SLC12A7: variants seen among roughly 807,000 people sequenced by gnomAD.
SLC12A7 encodes the protein K-Cl cotransporter 4.
A neutral mutation model predicts 120.6 loss-of-function variants in SLC12A7; 100 were observed. The observed-to-expected ratio is 0.83, with a 90% CI of 0.71 to 0.98. The LOEUF is 0.98. Ranked by LOEUF, SLC12A7 falls within the 50% of genes least tolerant of loss-of-function variation. SLC12A7 has a pLI of 0.00. For synonymous variants in SLC12A7, 760 were observed against 678.0 expected (o/e 1.12, Z -1.88); for missense variants, 1,373 against 1,548.1 (o/e 0.89, Z 1.90).
chr5:1,078,833 T>TG (rs1738666623), intron 10 of SLC12A7, 75 bp from the exon 11 acceptor site: 2 of 24,110 alleles, frequency 8.3e-5, no homozygotes, highest in Non-Finnish European at 1.4e-4. Context: ...TGGGGTGGGG[T>TG]GGGGTGGGTG....
At chr5:1,067,324 C>T (rs765757228) in intron 17 of SLC12A7, among the ~76,000 whole-genome samples, 8 of 152,224 alleles carry the variant, frequency 5.3e-5, no homozygotes, top group East Asian at 3.8e-4. Context: ...GCGGACGCTG[C>T]GGGGTGGACA....
At chr5:1,138,112 G>A in the SLC12A7 span, among the ~76,000 whole-genome samples, 1 of 152,200 alleles carries the variant, frequency 6.6e-6, no homozygotes, top group Non-Finnish European at 1.5e-5. Flanking sequence ...TGAAGTCCCA[G>A]ATCTTTGCAG....
chr5:1,109,645 G>A (rs1273286253), intron 1 of SLC12A7, among the ~76,000 whole-genome samples: 2 of 151,200 alleles, frequency 1.3e-5, no homozygotes, highest in African/African-American at 4.9e-5. Flanking sequence ...CAGGCAGCCC[G>A]GGCAGCAGCA....
chr5:1,103,610 C>T (rs908550943), intron 1 of SLC12A7, among the ~76,000 whole-genome samples: 2 of 152,224 alleles, frequency 1.3e-5, no homozygotes, highest in African/African-American at 4.8e-5. Context: ...CATGTGCATA[C>T]CCATACCCGC....
the SLC12A7 span, among the ~76,000 whole-genome samples, chr5:1,124,099 C>G: frequency 6.6e-6 from 1 of 152,172 alleles, no homozygotes; most frequent in Non-Finnish European, 1.5e-5. Context: ...AGGACAGCAA[C>G]CTCCATGGAC....
At chr5:1,112,871 TC>T (rs70957329), upstream of SLC12A7, among the ~76,000 whole-genome samples, 65,686 of 112,022 alleles carry the variant, frequency 0.59, 19,900 homozygotes, top group Non-Finnish European at 0.7. Context: ...GTAGAGGGAG[TC>T]CCCCCCCCCA....
chr5:1,077,699 A>AG, intron 12 of SLC12A7, 134 bp downstream of exon 12: 1 of 919,218 alleles, frequency 1.1e-6, no homozygotes. Context: ...TGCAGTGGCC[A>AG]GGGGCAGAAT....
intron 1 of SLC12A7, among the ~76,000 whole-genome samples, chr5:1,098,615 T>A (rs368086891): frequency 8.0e-4 from 5 of 6,262 alleles, no homozygotes; most frequent in African/African-American, 2.2e-3. Context: ...AACCCTCTGC[T>A]CACCCAGCCC....
chr5:1,051,053 A>C lies in SLC12A7; in HGVS notation c.*1307T>G, dbSNP rs1734981107. The C allele has an allele frequency of 5.0e-6, 2 of 397,880 alleles. No homozygotes were observed. The highest frequency in any genetic ancestry group is 7.1e-5 in the East Asian group (2 of 28,078). The allele number at this position is 397,880 out of a possible 1,614,324, so 24.6% of individuals were successfully genotyped here. ...CGTAACTCCCTGGGGTGTTTAAATAAATAAATATGCCACATAGAAAGGGAG... is the reference window on the plus strand; with the variant it reads ...CGTAACTCCCTGGGGTGTTTAAATACATAAATATGCCACATAGAAAGGGAG... On this transcript the variant is annotated 3_prime_UTR_variant, in exon 24 of 24. Coordinates refer to ENST00000264930, the MANE Select transcript of SLC12A7 (RefSeq NM_006598.3).
chr5:1,079,789 T>A (rs111585849), intron 9 of SLC12A7, among the ~76,000 whole-genome samples: 1,712 of 151,378 alleles, frequency 0.011, 37 homozygotes, highest in African/African-American at 0.039. Flanking sequence ...CTGGAGCCTG[T>A]GTTAATCCCA....
intron 22 of SLC12A7, among the ~76,000 whole-genome samples, chr5:1,054,590 C>T (rs1735410099): frequency 6.6e-6 from 1 of 152,232 alleles, no homozygotes; most frequent in Admixed American, 6.5e-5. Flanking sequence ...GGTCTCAGGC[C>T]AGCTGCAGCC....
the SLC12A7 span, among the ~76,000 whole-genome samples, chr5:1,129,701 G>A: frequency 5.3e-5 from 8 of 151,948 alleles, no homozygotes; most frequent in East Asian, 1.6e-3. Flanking sequence ...ACTGTTTCAC[G>A]GAAAAAGTCA....
At chr5:1,145,021 G>A in the SLC12A7 span, among the ~76,000 whole-genome samples, 1 of 152,276 alleles carries the variant, frequency 6.6e-6, no homozygotes, top group African/African-American at 2.4e-5. This position sits in a 1 kb window ranked among gnomAD's most constrained non-coding sequence, Gnocchi z 4.4. Context: ...ACCGGGCCGG[G>A]GCTGGGGAAG....
chr5:1,068,652 G>A (rs1213796877), intron 17 of SLC12A7, among the ~76,000 whole-genome samples: 1 of 152,234 alleles, frequency 6.6e-6, no homozygotes. Context: ...AGCGGGGGCA[G>A]GGTGCGCTCG....
Position 1,081,669 on chromosome 5 carries a change from T to C in SLC12A7, c.1205A>G (p.Glu402Gly). ...KKGVPSVPVA[E>G]ESRASALPYV... Reference sequence around the variant, plus strand: ...GGGCAGTGCGCTGGCACGGCTCTCCTCTGCCACGGGCACCGAGGGCACACC... The same window carrying C: ...GGGCAGTGCGCTGGCACGGCTCTCCCCTGCCACGGGCACCGAGGGCACACC... The change falls in exon 9 of 24, where the codon GAG becomes GGG. Residue 402 changes from glutamate to glycine, a missense_variant. Glu to Gly is a moderately conservative substitution (Grantham distance 98). Transcript: ENST00000264930. The C allele has an allele frequency of 6.2e-7, 1 of 1,613,122 alleles. No individual in the cohort carries two copies. The highest frequency in any genetic ancestry group is 8.5e-7 in the Non-Finnish European group (1 of 1,179,974).
rs1267421156 is a variant in SLC12A7, at chr5:1,094,187, G to C, written c.186C>G (p.Ser62Arg). ...FLNNVEVEQE[S>R]FFEGKNMALF... ...GTGCCATGTTCTTCCCTTCAAAGAA[G>C]CTCTCTTGTTCCACCTCGACATTGT... The change falls in exon 2 of 24, where the codon AGC becomes AGG. Residue 62 changes from serine to arginine, a missense_variant. Coordinates refer to ENST00000264930, the MANE Select transcript of SLC12A7 (RefSeq NM_006598.3). 6.2e-7 allele frequency: 1 copy of C among 1,613,484 alleles called. No individual in the cohort carries two copies. The highest frequency in any genetic ancestry group is 2.2e-5 in the East Asian group (1 of 44,884).
chr5:1,068,840 C>G (rs1236667744), intron 17 of SLC12A7, among the ~76,000 whole-genome samples: 2 of 152,266 alleles, frequency 1.3e-5, no homozygotes, highest in Non-Finnish European at 2.9e-5. Context: ...CCCGTCATCC[C>G]CCAGTCACTG....
chr5:1,074,601 C>T lies in SLC12A7; in HGVS notation c.2038G>A (p.Val680Met), dbSNP rs778465115. ...LNAARYALLR[V>M]EHGPPHTKNW... ...TTGGTGTGGGGGGGACCGTGCTCCA[C>T]GCGCAGCAGGGCGTAGCGGGCGGCG... Residue 680 changes from valine to methionine, a missense_variant, in exon 16 of 24, where the codon GTG (valine) becomes ATG (methionine). Physicochemically the swap from Val to Met is conservative, Grantham distance 21. Transcript: ENST00000264930. 9.3e-6 allele frequency: 15 copies of T among 1,612,654 alleles called. No homozygotes were observed. The highest frequency in any genetic ancestry group is 3.3e-5 in the South Asian group (3 of 91,076).
the SLC12A7 span, among the ~76,000 whole-genome samples, chr5:1,138,073 G>A: frequency 6.6e-6 from 1 of 152,206 alleles, no homozygotes; most frequent in East Asian, 1.9e-4. Context: ...TCCTTCCAGT[G>A]GGTTCTTGGT....
Sources: allele counts gnomAD v4.1 joint callset (sites outside exome capture counted in the v4.1 genomes callset), GRCh38; gene constraint gnomAD v4.1.1; non-coding constraint Gnocchi (gnomAD v3.1); transcripts MANE v1.5; gene names NCBI Gene and HGNC (gene_info 2026-07-23, HGNC 2026-07-21).